The following RHOJ variants were observed in gnomAD, a reference collection of about 807,000 sequenced individuals.
The protein encoded by RHOJ is rho-related GTP-binding protein RhoJ.
RHOJ carries 11 observed loss-of-function variants against 23.4 expected under a neutral mutation model. That is an observed-to-expected ratio of 0.47 (90% CI 0.30 to 0.78). RHOJ has a LOEUF of 0.78. Ranked by LOEUF, RHOJ falls within the 30% of genes least tolerant of loss-of-function variation. The pLI, the probability that RHOJ is intolerant of heterozygous loss-of-function variation, is 0.08. For missense variants in RHOJ, 254 were observed against 273.4 expected (o/e 0.93, Z 0.50); for synonymous variants, 102 against 102.7 (o/e 0.99, Z 0.04).
At chr14:63,236,498 A>G (rs745808906) in intron 1 of RHOJ, among the ~76,000 whole-genome samples, 15 of 152,080 alleles carry the variant, frequency 9.9e-5, no homozygotes, top group Non-Finnish European at 1.9e-4. Flanking sequence ...TGTGCAGGGA[A>G]AAGTCCCCTT....
chr14:63,213,851 G>A (rs1267543796), intron 1 of RHOJ, among the ~76,000 whole-genome samples: 1 of 152,110 alleles, frequency 6.6e-6, no homozygotes, highest in Non-Finnish European at 1.5e-5. Context: ...GAGGAGTAAG[G>A]GTAGGGAGTG....
Position 63,235,937 on chromosome 14 carries a change from T to C in RHOJ, c.178+30890T>C, listed in dbSNP as rs1287493207. Among the ~76,000 whole-genome samples the C allele has an allele frequency of 1.3e-5, 2 of 152,250 alleles. 1 individual carries two copies. The highest frequency in any genetic ancestry group is 2.9e-5 in the Non-Finnish European group (2 of 68,048). On this transcript the variant is annotated intron_variant, in intron 1 of 4. Transcript: ENST00000316754. ...ATAGCTTTCTGTAATAAATGCTTTTTTGCTTGAACAAGTATTCCCCAGGAG... is the reference window on the plus strand; with the variant it reads ...ATAGCTTTCTGTAATAAATGCTTTTCTGCTTGAACAAGTATTCCCCAGGAG...
intron 1 of RHOJ, among the ~76,000 whole-genome samples, chr14:63,241,763 T>G (rs752611811): frequency 7.9e-5 from 12 of 152,146 alleles, no homozygotes; most frequent in Admixed American, 1.3e-4. Context: ...AGTAGCAAAA[T>G]GTCAAACTAA....
At chr14:63,208,891 C>A (rs1035052417) in intron 1 of RHOJ, among the ~76,000 whole-genome samples, 3 of 152,086 alleles carry the variant, frequency 2.0e-5, no homozygotes, top group Non-Finnish European at 4.4e-5. Context: ...CTTAACCTGT[C>A]CAAACTGAAT....
intron 2 of RHOJ, among the ~76,000 whole-genome samples, chr14:63,271,426 A>G (rs1006012825): frequency 6.6e-6 from 1 of 152,212 alleles, no homozygotes; most frequent in African/African-American, 2.4e-5. Flanking sequence ...GTGTTACACT[A>G]CAGGATAACT....
chr14:63,246,251 T>G (rs1894974090), intron 1 of RHOJ, among the ~76,000 whole-genome samples: 1 of 152,196 alleles, frequency 6.6e-6, no homozygotes, highest in Non-Finnish European at 1.5e-5. Context: ...ATTTCTCTCT[T>G]AATCTCAGGC....
chr14:63,290,516 T>C (rs1882212516), intron 4 of RHOJ, among the ~76,000 whole-genome samples: 1 of 152,180 alleles, frequency 6.6e-6, no homozygotes, highest in South Asian at 2.1e-4. Context: ...TCACAAAACA[T>C]ATTTAAATTA....
At chr14:63,209,993 C>A (rs1421114463) in intron 1 of RHOJ, among the ~76,000 whole-genome samples, 1 of 146,630 alleles carries the variant, frequency 6.8e-6, no homozygotes, top group African/African-American at 2.5e-5. Context: ...CAGAGTCTCA[C>A]TCTGTCACCA....
chr14:63,220,291 T>C (rs1218889457), intron 1 of RHOJ, among the ~76,000 whole-genome samples: 1 of 152,108 alleles, frequency 6.6e-6, no homozygotes, highest in Non-Finnish European at 1.5e-5. Flanking sequence ...GTGCAGACAG[T>C]GATCCTCCTC....
intron 1 of RHOJ, among the ~76,000 whole-genome samples, chr14:63,256,964 C>T (rs1323887319): frequency 6.6e-6 from 1 of 151,034 alleles, no homozygotes; most frequent in Non-Finnish European, 1.5e-5. Context: ...CCCAGCTACT[C>T]AGGAGTCTGA....
At chr14:63,259,653 AG>A (rs1183119607) in intron 1 of RHOJ, among the ~76,000 whole-genome samples, 1 of 152,252 alleles carries the variant, frequency 6.6e-6, no homozygotes, top group Non-Finnish European at 1.5e-5. Context: ...TATTGCAGAA[AG>A]GATCCAACCG....
intron 1 of RHOJ, among the ~76,000 whole-genome samples, chr14:63,248,930 CG>C (rs2139638147): frequency 6.6e-6 from 1 of 152,302 alleles, no homozygotes; most frequent in East Asian, 1.9e-4. Flanking sequence ...CCACTTCCCC[CG>C]CATCTCCACC....
chr14:63,227,971 C>T (rs185930178), intron 1 of RHOJ, among the ~76,000 whole-genome samples: 20 of 152,240 alleles, frequency 1.3e-4, no homozygotes, highest in Admixed American at 1.1e-3. Context: ...GGTTTTGCTG[C>T]TTTTATGCCC....
At chr14:63,274,095 C>T (rs975847922) in intron 2 of RHOJ, among the ~76,000 whole-genome samples, 5 of 152,302 alleles carry the variant, frequency 3.3e-5, no homozygotes, top group African/African-American at 1.2e-4. Flanking sequence ...AAGCACGCAA[C>T]CAAGCAAGGA....
chr14:63,290,517 A>G (rs1267610138), intron 4 of RHOJ, among the ~76,000 whole-genome samples: 1 of 152,174 alleles, frequency 6.6e-6, no homozygotes, highest in Non-Finnish European at 1.5e-5. Flanking sequence ...CACAAAACAT[A>G]TTTAAATTAT....
intron 1 of RHOJ, among the ~76,000 whole-genome samples, chr14:63,217,791 T>C (rs544694506): frequency 6.6e-6 from 1 of 152,356 alleles, no homozygotes; most frequent in Admixed American, 6.5e-5. Flanking sequence ...GCTTTTTTAA[T>C]GGACAGCTTT....
chr14:63,288,826 C>T (rs1265073764), intron 4 of RHOJ, among the ~76,000 whole-genome samples: 1 of 152,140 alleles, frequency 6.6e-6, no homozygotes. Context: ...GAAATAGTGT[C>T]TGGGCCCAAC....
At chr14:63,248,411 T>A (rs1381830670) in intron 1 of RHOJ, among the ~76,000 whole-genome samples, 1 of 152,118 alleles carries the variant, frequency 6.6e-6, no homozygotes, top group Admixed American at 6.6e-5. Flanking sequence ...AAGAATTTGC[T>A]CCCTCCCATC....
intron 1 of RHOJ, among the ~76,000 whole-genome samples, chr14:63,221,190 T>C (rs4902217): frequency 0.94 from 142,697 of 152,164 alleles, 67,454 homozygotes; most frequent in Non-Finnish European, 1. Flanking sequence ...ATGAACCGGA[T>C]GTGGTGGTGC....
Sources: allele counts gnomAD v4.1 joint callset (sites outside exome capture counted in the v4.1 genomes callset), GRCh38; gene constraint gnomAD v4.1.1; transcripts MANE v1.5; gene names NCBI Gene and HGNC (gene_info 2026-07-23, HGNC 2026-07-21).